Variants in RPS6KC1 observed in about 807,000 individuals in gnomAD.
RPS6KC1 encodes ribosomal protein S6 kinase C1.
In RPS6KC1, 54 loss-of-function variants were observed where a neutral mutation model predicts 103.8. The ratio of observed to expected loss-of-function variants is 0.52; its 90% CI spans 0.42 to 0.65. RPS6KC1 has a LOEUF of 0.65. Ranked by LOEUF, RPS6KC1 falls within the 30% of genes least tolerant of loss-of-function variation. RPS6KC1 has a pLI of 0.00. For synonymous variants in RPS6KC1, 439 were observed against 438.7 expected (o/e 1.00, Z -0.01); for missense variants, 1,151 against 1,253.8 (o/e 0.92, Z 1.24).
At chr1:213,520,442 G>A in the RPS6KC1 span, among the ~76,000 whole-genome samples, 1,664 of 152,226 alleles carry the variant, frequency 0.011, 32 homozygotes, top group African/African-American at 0.038. Flanking sequence ...CCCACAACAC[G>A]TGGGAATTGT....
the RPS6KC1 span, among the ~76,000 whole-genome samples, chr1:213,783,815 CAAAAAAAAAAAA>C: frequency 7.6e-5 from 5 of 65,992 alleles, 1 homozygote; most frequent in African/African-American, 1.5e-4. Flanking sequence ...AAGATGTTGC[CAAAAAAAAAAAA>C]AAAAAAAAAA....
At chr1:213,264,470 G>A (rs769109213) in intron 14 of RPS6KC1, among the ~76,000 whole-genome samples, 2 of 152,064 alleles carry the variant, frequency 1.3e-5, no homozygotes, top group Non-Finnish European at 2.9e-5. Flanking sequence ...CCTTAAAGAA[G>A]TAGTCATTAT....
chr1:213,320,918 G>A, the RPS6KC1 span, among the ~76,000 whole-genome samples: 1 of 152,114 alleles, frequency 6.6e-6, no homozygotes, highest in Non-Finnish European at 1.5e-5. Flanking sequence ...CCCCTGCTCT[G>A]TTTCTCATTA....
chr1:213,492,481 A>G, the RPS6KC1 span: 1 of 152,252 alleles, frequency 6.6e-6, no homozygotes, highest in Non-Finnish European at 1.5e-5. Context: ...GGCTTTGTGC[A>G]CATGGATTTC....
the RPS6KC1 span, among the ~76,000 whole-genome samples, chr1:213,384,183 G>A: frequency 3.9e-5 from 6 of 152,054 alleles, no homozygotes; most frequent in East Asian, 1.2e-3. Context: ...GGCTGAGGCA[G>A]GAGAATGGCG....
the RPS6KC1 span, among the ~76,000 whole-genome samples, chr1:213,369,396 C>T: frequency 6.6e-6 from 1 of 152,186 alleles, no homozygotes; most frequent in South Asian, 2.1e-4. Flanking sequence ...ATATTCTAGC[C>T]CCTGACAGCT....
chr1:213,069,155 G>A (rs866969317), intron 1 of RPS6KC1, among the ~76,000 whole-genome samples: 22 of 148,310 alleles, frequency 1.5e-4, no homozygotes, highest in African/African-American at 3.2e-4. Flanking sequence ...CCACACACAT[G>A]TGGCTAGTGG....
chr1:213,753,219 T>C, the RPS6KC1 span, among the ~76,000 whole-genome samples: 4 of 152,110 alleles, frequency 2.6e-5, no homozygotes, highest in Non-Finnish European at 5.9e-5. Flanking sequence ...CCTGGGGACA[T>C]AGGCTATTTT....
intron 6 of RPS6KC1, among the ~76,000 whole-genome samples, chr1:213,161,449 T>C (rs1424436483): frequency 1.3e-5 from 2 of 152,090 alleles, no homozygotes; most frequent in African/African-American, 4.8e-5. Context: ...ACCACCTGAG[T>C]AACTGGGATT....
chr1:213,222,464 C>T (rs1414321921), intron 8 of RPS6KC1, among the ~76,000 whole-genome samples: 1 of 152,054 alleles, frequency 6.6e-6, no homozygotes, highest in Non-Finnish European at 1.5e-5. Flanking sequence ...AGCATCTCTG[C>T]ATGGTCTGTT....
the RPS6KC1 span, among the ~76,000 whole-genome samples, chr1:213,678,733 T>C: frequency 2.0e-5 from 3 of 152,230 alleles, no homozygotes; most frequent in Admixed American, 6.5e-5. Flanking sequence ...TAATTTCTGC[T>C]TGAGGAAACT....
the RPS6KC1 span, among the ~76,000 whole-genome samples, chr1:213,447,518 T>C: frequency 1.1e-4 from 16 of 152,372 alleles, no homozygotes; most frequent in Non-Finnish European, 1.9e-4. Context: ...TACATGATTT[T>C]CCCAGCACAT....
chr1:213,658,284 T>C, the RPS6KC1 span, among the ~76,000 whole-genome samples: 2 of 152,104 alleles, frequency 1.3e-5, no homozygotes, highest in African/African-American at 4.8e-5. Flanking sequence ...GGGGAACTAG[T>C]TGTGTTACTG....
At chr1:213,632,365 T>C in the RPS6KC1 span, among the ~76,000 whole-genome samples, 2 of 152,064 alleles carry the variant, frequency 1.3e-5, no homozygotes, top group African/African-American at 4.8e-5. Context: ...ATTTCTGCAT[T>C]TCCAACTGAG....
At chr1:213,851,665 CCACCTCAACTTGTGTTTCCACCAG>C in the RPS6KC1 span, among the ~76,000 whole-genome samples, 1 of 152,164 alleles carries the variant, frequency 6.6e-6, no homozygotes, top group Admixed American at 6.5e-5. Flanking sequence ...GTCTACTGGA[CCACCTCAACTTGTGTTTCCACCAG>C]CACCTCAAAA....
chr1:213,304,079 G>A, the RPS6KC1 span, among the ~76,000 whole-genome samples: 14 of 150,046 alleles, frequency 9.3e-5, no homozygotes, highest in East Asian at 2.5e-3. Context: ...AGTGGCGGGC[G>A]CCTGTAGTCC....
the RPS6KC1 span, among the ~76,000 whole-genome samples, chr1:213,430,084 C>T: frequency 1.3e-5 from 2 of 152,170 alleles, no homozygotes; most frequent in African/African-American, 4.8e-5. Context: ...TGAGCCTTCG[C>T]AGTCACCTAG....
At chr1:213,145,994 T>TTTTTG (rs1491285381) in intron 6 of RPS6KC1, among the ~76,000 whole-genome samples, 1 of 102,562 alleles carries the variant, frequency 9.8e-6, no homozygotes, top group Admixed American at 1.0e-4. Context: ...TTTTTTTTTT[T>TTTTTG]GGTATATGTT....
chr1:213,724,837 G>A, the RPS6KC1 span, among the ~76,000 whole-genome samples: 2 of 152,314 alleles, frequency 1.3e-5, no homozygotes, highest in South Asian at 4.1e-4. Context: ...CAGGCACTGT[G>A]CTGTGCCTGC....
Sources: gnomAD v4.1 joint callset for allele counts (sites outside exome capture counted in the v4.1 genomes callset) on GRCh38, gnomAD v4.1.1 for gene constraint, MANE v1.5 for transcripts, NCBI Gene and HGNC (gene_info 2026-07-23, HGNC 2026-07-21) for gene names.